MET: variants seen among roughly 807,000 people sequenced by gnomAD.
MET encodes MET proto-oncogene, receptor tyrosine kinase.
Under a neutral mutation model 133.1 loss-of-function variants are expected in MET, and 48 were observed. The observed-to-expected ratio is 0.36, with a 90% CI of 0.29 to 0.46. MET has a LOEUF of 0.46. MET is among the 20% of genes least tolerant of loss of function. The pLI is 1.00. For synonymous variants in MET, 628 were observed against 616.5 expected, an observed-to-expected ratio of 1.02 and a Z score of -0.28; for missense variants, 1,442 against 1,695.9, an observed-to-expected ratio of 0.85 and a Z score of 2.63.
At chr7:116,719,960 C>G (rs1010867326) in intron 2 of MET, among the ~76,000 whole-genome samples, 6 of 152,046 alleles carry the variant, frequency 3.9e-5, no homozygotes, top group Non-Finnish European at 7.4e-5. Flanking sequence ...TCAGGATTGA[C>G]TTGGCGATGC....
chr7:116,770,724 C>T (rs1376194619), intron 12 of MET, among the ~76,000 whole-genome samples: 2 of 152,276 alleles, frequency 1.3e-5, no homozygotes, highest in East Asian at 3.9e-4. Flanking sequence ...TGTTTATCCA[C>T]GTGGATGAAC....
intron 5 of MET, among the ~76,000 whole-genome samples, chr7:116,747,234 A>G (rs1362975055): frequency 1.3e-5 from 2 of 152,194 alleles, no homozygotes; most frequent in Non-Finnish European, 2.9e-5. Flanking sequence ...TACATCAACC[A>G]ATGGGCAAAA....
Position 116,729,681 on chromosome 7 carries a change from C to T in MET, c.1201-1987C>T, listed in dbSNP as rs956385253. 1.3e-5 allele frequency among the ~76,000 whole-genome samples: 2 copies of T among 152,134 alleles called. 1 individual carries two copies. Among genetic ancestry groups the T allele is most frequent in the South Asian group, 4.1e-4 (2 of 4,828 alleles). On this transcript the variant is annotated intron_variant, in intron 2 of 20. Coordinates refer to ENST00000397752, the MANE Select transcript of MET (RefSeq NM_000245.4). ...CATCATTTTCCTTAATACTTTCTCC[C>T]GTCCCCATCGTCTACCCCAGATTTA...
At chr7:116,734,255 C>T (rs1185809498) in intron 3 of MET, among the ~76,000 whole-genome samples, 1 of 152,174 alleles carries the variant, frequency 6.6e-6, no homozygotes, top group Non-Finnish European at 1.5e-5. Context: ...AGCTGCCCTA[C>T]ACAAAAGGGA....
chr7:116,711,385 C>G (rs1433249274), intron 2 of MET, among the ~76,000 whole-genome samples: 1 of 152,178 alleles, frequency 6.6e-6, no homozygotes, highest in Non-Finnish European at 1.5e-5. Flanking sequence ...GCACTCTATC[C>G]AGTTGCTGGT....
At chr7:116,716,404 T>C (rs1382674774) in intron 2 of MET, among the ~76,000 whole-genome samples, 4 of 71,120 alleles carry the variant, frequency 5.6e-5, no homozygotes, top group African/African-American at 1.7e-4. Context: ...AAGAGAAATA[T>C]GAAAGAAAGA....
At chr7:116,739,029 C>T (rs184339266) in intron 3 of MET, among the ~76,000 whole-genome samples, 44 of 152,166 alleles carry the variant, frequency 2.9e-4, no homozygotes, top group Non-Finnish European at 5.4e-4. Context: ...AAGTCTAGGG[C>T]TGTGCTGAGC....
At chr7:116,738,788 A>G (rs898323747) in intron 3 of MET, among the ~76,000 whole-genome samples, 1 of 152,218 alleles carries the variant, frequency 6.6e-6, no homozygotes, top group Non-Finnish European at 1.5e-5. Context: ...GTTCCCCAGA[A>G]CATTTATATG....
At chr7:116,712,189 T>C (rs1792026992) in intron 2 of MET, among the ~76,000 whole-genome samples, 1 of 152,232 alleles carries the variant, frequency 6.6e-6, no homozygotes, top group Admixed American at 6.5e-5. Flanking sequence ...ACACTCATTT[T>C]GTCAAGTGAA....
At chr7:116,717,679 C>T (rs1792299299) in intron 2 of MET, among the ~76,000 whole-genome samples, 2 of 152,138 alleles carry the variant, frequency 1.3e-5, no homozygotes, top group Admixed American at 1.3e-4. Context: ...CAAGATAGTA[C>T]ATTTTTAAAA....
intron 2 of MET, among the ~76,000 whole-genome samples, chr7:116,721,449 A>G (rs1342990510): frequency 2.0e-5 from 3 of 152,094 alleles, no homozygotes; most frequent in Admixed American, 6.6e-5. Flanking sequence ...TCCTGGATTC[A>G]TTAATTTTTT....
chr7:116,769,777 G>A lies in MET; in HGVS notation c.2716G>A (p.Glu906Lys), dbSNP rs778115147. The change falls in exon 12 of 21, where the codon GAG (glutamate) becomes AAG (lysine). Residue 906 changes from glutamate to lysine, a missense_variant. Glu to Lys is a moderately conservative substitution (Grantham distance 56, BLOSUM62 1). Coordinates refer to ENST00000397752, the MANE Select transcript of MET (RefSeq NM_000245.4). ...VPNDLLKLNS[E>K]LNIEWKQAIS... ...CAATGACCTGCTGAAATTGAACAGCGAGCTAAATATAGAGGTGGGATTCCT... is the reference window on the plus strand; with the variant it reads ...CAATGACCTGCTGAAATTGAACAGCAAGCTAAATATAGAGGTGGGATTCCT... 18 of 1,613,786 alleles carry A rather than the reference G, an allele frequency of 1.1e-5. No homozygotes were observed. The highest frequency in any genetic ancestry group is 1.7e-5 in the Admixed American group (1 of 59,982).
intron 5 of MET, among the ~76,000 whole-genome samples, chr7:116,749,661 G>A (rs1793838483): frequency 6.6e-6 from 1 of 152,152 alleles, no homozygotes; most frequent in African/African-American, 2.4e-5. Context: ...AAGAGAGGAA[G>A]TCAAATTGTC....
At chr7:116,781,819 C>A (rs1440733976) in intron 17 of MET, among the ~76,000 whole-genome samples, 169 bp from the exon 18 acceptor site, 1 of 152,204 alleles carries the variant, frequency 6.6e-6, no homozygotes, top group Non-Finnish European at 1.5e-5. Flanking sequence ...CTCAAGCCAT[C>A]CTCTCGCCTT....
intron 15 of MET, among the ~76,000 whole-genome samples, chr7:116,776,113 C>T (rs115953870): frequency 2.0e-3 from 302 of 151,938 alleles, no homozygotes; most frequent in African/African-American, 7.1e-3. Flanking sequence ...ACTAAATGGC[C>T]TCTGATCCCT....
chr7:116,711,627 G>GTT (rs892605220), intron 2 of MET, among the ~76,000 whole-genome samples: 1 of 145,830 alleles, frequency 6.9e-6, no homozygotes. Flanking sequence ...TTCCAGACAG[G>GTT]TTTTTTTTTT....
intron 1 of MET, among the ~76,000 whole-genome samples, chr7:116,675,783 T>C (rs905056587): frequency 2.0e-5 from 3 of 151,986 alleles, no homozygotes; most frequent in Non-Finnish European, 4.4e-5. Context: ...TTTTCTTTTC[T>C]TTTTTTCTTT....
intron 5 of MET, among the ~76,000 whole-genome samples, chr7:116,748,113 G>A (rs995336445): frequency 8.5e-5 from 13 of 152,056 alleles, no homozygotes; most frequent in Non-Finnish European, 5.9e-5. Context: ...GCATGGTGGC[G>A]GGCGCCTGTA....
chr7:116,675,260 A>G (rs555170362), intron 1 of MET, among the ~76,000 whole-genome samples: 183 of 152,210 alleles, frequency 1.2e-3, no homozygotes, highest in Non-Finnish European at 2.2e-3. Flanking sequence ...GTACTACAGC[A>G]TTTTCTTTAA....
Sources: allele counts gnomAD v4.1 joint callset (sites outside exome capture counted in the v4.1 genomes callset), GRCh38; gene constraint gnomAD v4.1.1; transcripts MANE v1.5; gene names NCBI Gene and HGNC (gene_info 2026-07-23, HGNC 2026-07-21).